The following ATL1 variants were observed in gnomAD, a reference collection of about 807,000 sequenced individuals.
ATL1 encodes atlastin-1.
Under a neutral mutation model 75.5 loss-of-function variants are expected in ATL1, and 31 were observed. The ratio of observed to expected loss-of-function variants is 0.41; its 90% confidence interval spans 0.31 to 0.55. The LOEUF is 0.55. Among genes scored for constraint, ATL1 ranks in the 20% least tolerant of loss-of-function variants. The probability of loss-of-function intolerance (pLI) is 0.27; values close to 1 mark genes in which losing one functional copy is unlikely to be tolerated. For synonymous variants in ATL1, 226 were observed against 233.3 expected, an observed-to-expected ratio of 0.97 and a Z score of 0.28; for missense variants, 405 against 662.6, an observed-to-expected ratio of 0.61 and a Z score of 4.27.
intron 1 of ATL1, among the ~76,000 whole-genome samples, chr14:50,572,484 A>T (rs2038963438): frequency 6.6e-6 from 1 of 152,032 alleles, no homozygotes; most frequent in African/African-American, 2.4e-5. Context: ...CTGGCATAAG[A>T]TTGTTCTAAG....
At position 50,627,927 on chromosome 14, in the gene ATL1, T is replaced by G. The variant is rs543896442; in HGVS notation, c.1120-104T>G. Reference sequence around the variant, plus strand: ...CAAAACATATATGCAGGCTCCTGATTATTAACGTATTCTAACAAACTCAAC... The same window carrying G: ...CAAAACATATATGCAGGCTCCTGATGATTAACGTATTCTAACAAACTCAAC... On this transcript the variant is annotated intron_variant, in intron 11 of 13. Transcript: ENST00000358385. 142 of 1,068,638 alleles carry G rather than the reference T, an allele frequency of 1.3e-4. No homozygotes were observed. In the African/African-American group the frequency reaches 2.1e-3, roughly 16 times the overall value. 66.2% of individuals were successfully genotyped at this position (1,068,638 alleles called of 1,614,324 possible). A position where few individuals can be genotyped will look rare whatever the true frequency, so the allele number is the denominator to read the frequency against.
intron 1 of ATL1, among the ~76,000 whole-genome samples, chr14:50,567,435 G>C (rs1428393931): frequency 1.3e-5 from 2 of 152,146 alleles, no homozygotes; most frequent in East Asian, 3.9e-4. Flanking sequence ...TGGTGTACAA[G>C]TATCCCTTTG....
chr14:50,577,187 C>T (rs770653546), intron 1 of ATL1, among the ~76,000 whole-genome samples: 1 of 152,038 alleles, frequency 6.6e-6, no homozygotes, highest in South Asian at 2.1e-4. Flanking sequence ...CTTAGCCTGC[C>T]GAGTGGCTGG....
At chr14:50,549,770 G>A (rs1393768009) in intron 1 of ATL1, among the ~76,000 whole-genome samples, 1 of 152,240 alleles carries the variant, frequency 6.6e-6, no homozygotes, top group Non-Finnish European at 1.5e-5. Context: ...AGAAAAAAAA[G>A]GAATGGCCTT....
intron 2 of ATL1, 141 bp downstream of exon 2, chr14:50,588,219 C>A: frequency 9.1e-7 from 1 of 1,097,482 alleles, no homozygotes; most frequent in Non-Finnish European, 1.3e-6. Context: ...TGTGGTGTAA[C>A]CATTCCAACC....
chr14:50,616,525 C>A (rs1238366985), intron 8 of ATL1, among the ~76,000 whole-genome samples: 1 of 151,564 alleles, frequency 6.6e-6, no homozygotes, highest in Non-Finnish European at 1.5e-5. Context: ...GGGGGTTTCA[C>A]TATGCTGCCC....
intron 8 of ATL1, among the ~76,000 whole-genome samples, chr14:50,616,759 A>C (rs1322565457): frequency 1.3e-5 from 2 of 152,180 alleles, no homozygotes; most frequent in African/African-American, 4.8e-5. Context: ...AATTTCCATA[A>C]AAGTTCCATT....
chr14:50,595,057 A>G (rs1173468418), intron 5 of ATL1, among the ~76,000 whole-genome samples: 1 of 152,020 alleles, frequency 6.6e-6, no homozygotes, highest in African/African-American at 2.4e-5. Context: ...AAAGAAAGGA[A>G]AAGGACTCTC....
intron 8 of ATL1, among the ~76,000 whole-genome samples, chr14:50,617,415 T>C (rs1311273012): frequency 6.6e-6 from 1 of 152,194 alleles, no homozygotes; most frequent in Non-Finnish European, 1.5e-5. Context: ...GTACCATATG[T>C]AGAATGAGCA....
chr14:50,629,964 CTTTTT>C, intron 12 of ATL1, 26 bp from the exon 13 acceptor site: 2 of 1,554,240 alleles, frequency 1.3e-6, no homozygotes, highest in Non-Finnish European at 1.8e-6. Context: ...ATATACTTTT[CTTTTT>C]TCTTTTTAAT....
At chr14:50,543,417 C>T (rs1041847929) in intron 1 of ATL1, among the ~76,000 whole-genome samples, 1 of 152,190 alleles carries the variant, frequency 6.6e-6, no homozygotes, top group Admixed American at 6.5e-5. Flanking sequence ...AGAGGTTTAC[C>T]TTCCCTGCTT....
intron 1 of ATL1, among the ~76,000 whole-genome samples, chr14:50,536,460 G>T (rs913660595): frequency 3.2e-4 from 46 of 144,452 alleles, no homozygotes; most frequent in Non-Finnish European, 5.8e-4. Flanking sequence ...AAAAAAAATT[G>T]TTACCAGTAG....
intron 1 of ATL1, among the ~76,000 whole-genome samples, chr14:50,576,194 A>T (rs1005074548): frequency 6.6e-6 from 1 of 152,226 alleles, no homozygotes; most frequent in African/African-American, 2.4e-5. Context: ...AGATTATCTC[A>T]CCCAGTTGTA....
chr14:50,590,090 T>G (rs1404214504), intron 2 of ATL1, among the ~76,000 whole-genome samples: 1 of 152,228 alleles, frequency 6.6e-6, no homozygotes, highest in Non-Finnish European at 1.5e-5. Flanking sequence ...TCTGTCTTCC[T>G]TTGGCTTCTC....
At chr14:50,574,236 A>G (rs1330066707) in intron 1 of ATL1, among the ~76,000 whole-genome samples, 2 of 152,136 alleles carry the variant, frequency 1.3e-5, no homozygotes, top group Non-Finnish European at 2.9e-5. Context: ...TGCCTTTGCC[A>G]TGTGCTGCAA....
chr14:50,583,524 C>T (rs1373285017), intron 1 of ATL1, among the ~76,000 whole-genome samples: 1 of 152,140 alleles, frequency 6.6e-6, no homozygotes, highest in Non-Finnish European at 1.5e-5. Context: ...AAACCTCTTC[C>T]TACTCCCCCA....
chr14:50,557,478 G>A (rs1354868852), upstream of ATL1, among the ~76,000 whole-genome samples: 3 of 151,850 alleles, frequency 2.0e-5, no homozygotes, highest in Non-Finnish European at 1.5e-5. Flanking sequence ...ATTTAACATT[G>A]TATTCTGGAA....
chr14:50,628,918 A>G (rs2039549870), intron 12 of ATL1, among the ~76,000 whole-genome samples: 2 of 152,108 alleles, frequency 1.3e-5, no homozygotes. Context: ...GGGTTTCACC[A>G]TGTTGGCCAG....
chr14:50,619,213 C>G lies in ATL1; in HGVS notation c.863-1386C>G, dbSNP rs534140501. The stretch of plus-strand genomic sequence containing the variant: ...GACTACAGGCATATGCCACCCACGC[C>G]TGGCTAATTTTTTTTATTTTTATTT... On this transcript the variant is annotated intron_variant, in intron 8 of 13. Coordinates refer to ENST00000358385, the MANE Select transcript of ATL1 (RefSeq NM_015915.5). 6.4e-4 allele frequency among the ~76,000 whole-genome samples: 97 copies of G among 152,300 alleles called. 1 individual carries two copies. Among genetic ancestry groups the G allele is most frequent in the African/African-American group, 2.2e-3 (93 of 41,574 alleles).
Sources: gnomAD v4.1 joint callset for allele counts (sites outside exome capture counted in the v4.1 genomes callset) on GRCh38, gnomAD v4.1.1 for gene constraint, MANE v1.5 for transcripts, NCBI Gene and HGNC (gene_info 2026-07-23, HGNC 2026-07-21) for gene names.